The following SAP30L variants were observed in gnomAD, a reference collection of about 807,000 sequenced individuals.
SAP30L encodes SAP30 like.
SAP30L carries 10 observed loss-of-function variants against 22.3 expected under a neutral mutation model. The observed-to-expected ratio is 0.45, with a 90% CI of 0.28 to 0.76. The LOEUF (loss-of-function observed/expected upper bound fraction) is 0.76. Ranked by LOEUF, SAP30L falls within the 30% of genes least tolerant of loss-of-function variation. The pLI, the probability that SAP30L is intolerant of heterozygous loss-of-function variation, is 0.14. For synonymous variants in SAP30L, 91 were observed against 94.1 expected (o/e 0.97, Z 0.19); for missense variants, 206 against 237.9 (o/e 0.87, Z 0.88).
chr5:154,448,977 GA>G (rs548993558), intron 1 of SAP30L, among the ~76,000 whole-genome samples: 11 of 144,962 alleles, frequency 7.6e-5, no homozygotes, highest in Middle Eastern at 3.5e-3. Flanking sequence ...GAAAGTGAAG[GA>G]AAAAAAAAAA....
intron 3 of SAP30L, 141 bp from the exon 4 acceptor site, chr5:154,455,759 C>T (rs1757250121): frequency 9.2e-6 from 10 of 1,083,592 alleles, no homozygotes; most frequent in South Asian, 5.0e-5. Context: ...CTCTGAGTTC[C>T]GCACATGGCA....
At chr5:154,454,057 A>G (rs1757212097) in intron 3 of SAP30L, among the ~76,000 whole-genome samples, 1 of 152,222 alleles carries the variant, frequency 6.6e-6, no homozygotes, top group African/African-American at 2.4e-5. Flanking sequence ...GGCTCAAGCC[A>G]TCCTTCCACC....
intron 2 of SAP30L, chr5:154,452,465 C>T (rs1425396043): frequency 1.0e-6 from 1 of 985,106 alleles, no homozygotes; most frequent in African/African-American, 1.7e-5. Context: ...GTGCTCTCCA[C>T]CTGCCTGAAG....
intron 2 of SAP30L, among the ~76,000 whole-genome samples, chr5:154,451,702 C>G (rs935337290): frequency 1.3e-5 from 2 of 152,188 alleles, no homozygotes; most frequent in Non-Finnish European, 2.9e-5. Context: ...TCCCAAGGAT[C>G]CATTTCAAAG....
Position 154,457,135 on chromosome 5 carries a change from C to CTT in SAP30L, c.*1108_*1109dup, listed in dbSNP as rs1333256700. ...ATTTTTGTGAACAATTTGCCTCCCTCTTAGGGAGAAAGATTGCTAAAATAA... is the reference window on the plus strand; with the variant it reads ...ATTTTTGTGAACAATTTGCCTCCCTCTTTTAGGGAGAAAGATTGCTAAAATAA... On this transcript the variant is annotated 3_prime_UTR_variant, in exon 4 of 4. Transcript: ENST00000297109. 1 of 152,142 alleles carries CTT rather than the reference C, an allele frequency of 6.6e-6. No homozygotes were observed. The highest frequency in any genetic ancestry group is 2.4e-5 in the African/African-American group (1 of 41,422). 9.4% of individuals were successfully genotyped at this position (152,142 alleles called of 1,614,324 possible). A position where few individuals can be genotyped will look rare whatever the true frequency, so the allele number is the denominator to read the frequency against.
Position 154,455,611 on chromosome 5 carries a change from CTG to C in SAP30L, c.424-286_424-285del, listed in dbSNP as rs565792406. On this transcript the variant is annotated intron_variant, in intron 3 of 3. Transcript: ENST00000297109. ...CCCAGTCTCTCCTCCATGAGTATGA[CTG>C]TGAAATCATGCCATGACAGGTGGTT... 5.0e-3 allele frequency among the ~76,000 whole-genome samples: 766 copies of C among 152,306 alleles called. 5 individuals are homozygous for C. Among genetic ancestry groups the C allele is most frequent in the African/African-American group, 0.018 (733 of 41,558 alleles).
chr5:154,453,449 A>G lies in SAP30L; in HGVS notation c.372A>G (p.Arg124=), dbSNP rs1319154639. ...TGAACACCCTACGACGTTATAAACG[A>G]CACTACAAGTTGCAGACCAGACCAG... is the stretch of plus-strand genomic sequence containing the variant. ...LQVNTLRRYK[R]HYKLQTRPGF... The change falls in exon 3 of 4, where the codon CGA becomes CGG. Residue 124 remains arginine, a synonymous_variant. Coordinates refer to ENST00000297109, the MANE Select transcript of SAP30L (RefSeq NM_024632.6). 6.2e-7 allele frequency: 1 copy of G among 1,614,132 alleles called. No individual in the cohort carries two copies. The highest frequency in any genetic ancestry group is 1.1e-5 in the South Asian group (1 of 91,082).
In SAP30L at chr5:154,446,317, T is replaced by A. The variant is rs1757000233; in HGVS notation, c.-288T>A. 3.0e-6 allele frequency: 1 copy of A among 335,990 alleles called. No homozygotes were observed. The highest frequency in any genetic ancestry group is 5.4e-6 in the Non-Finnish European group (1 of 186,162). The allele number at this position is 335,990 out of a possible 1,614,324, so 20.8% of individuals were successfully genotyped here. ...GACACCCCCGCTGCAGGGTTACGGTTCTGGGCCCCCGGCAGAAGGCTCCTC... is the reference window on the plus strand; with the variant it reads ...GACACCCCCGCTGCAGGGTTACGGTACTGGGCCCCCGGCAGAAGGCTCCTC... On this transcript the variant is annotated 5_prime_UTR_variant, in exon 1 of 4. Coordinates refer to ENST00000297109, the MANE Select transcript of SAP30L (RefSeq NM_024632.6).
In SAP30L at chr5:154,460,120, A is replaced by G. The variant is rs1757343486; in HGVS notation, c.*4092A>G. 1 of 152,154 alleles carries G rather than the reference A, an allele frequency of 6.6e-6. No individual in the cohort carries two copies. 9.4% of individuals were successfully genotyped at this position (152,154 alleles called of 1,614,324 possible). ...AATCGGCTGCCCTCAGATTCTTGAG[A>G]ACTTAAAATTGAGCAGAAATTCCCA... On this transcript the variant is annotated 3_prime_UTR_variant, in exon 4 of 4. Transcript: ENST00000297109.
chr5:154,448,472 G>GA (rs747042902), intron 1 of SAP30L, among the ~76,000 whole-genome samples: 40 of 152,212 alleles, frequency 2.6e-4, no homozygotes, highest in Non-Finnish European at 5.0e-4. Context: ...ACACCAAGGT[G>GA]ATCCCTCCTT....
rs1227019965 is a variant in SAP30L at position 154,446,537 on chromosome 5, C to G, written c.-68C>G. On this transcript the variant is annotated 5_prime_UTR_variant, in exon 1 of 4. Transcript: ENST00000297109. Reference sequence around the variant, plus strand: ...GCGGGGGTCTCAGCGACCTGCCCCGCGGCAAGCGCGGCCGCGGAGTGGCCT... The same window carrying G: ...GCGGGGGTCTCAGCGACCTGCCCCGGGGCAAGCGCGGCCGCGGAGTGGCCT... 2 of 1,297,842 alleles carry G rather than the reference C, an allele frequency of 1.5e-6. No homozygotes were observed. Among genetic ancestry groups the G allele is most frequent in the Non-Finnish European group, 2.0e-6 (2 of 997,808 alleles). 80.4% of individuals were successfully genotyped at this position (1,297,842 alleles called of 1,614,324 possible). A position where few individuals can be genotyped will look rare whatever the true frequency, so the allele number is the denominator to read the frequency against.
intron 1 of SAP30L, among the ~76,000 whole-genome samples, chr5:154,448,427 T>C (rs1195162452): frequency 6.6e-6 from 1 of 152,208 alleles, no homozygotes; most frequent in Non-Finnish European, 1.5e-5. Flanking sequence ...AATGAATGCA[T>C]GAATGGAAAT....
chr5:154,450,460 C>G lies in SAP30L; in HGVS notation c.202-631C>G, dbSNP rs139601577. Among the ~76,000 whole-genome samples the G allele has an allele frequency of 9.5e-4, 145 of 152,306 alleles. 2 individuals are homozygous for G. The East Asian group carries it at 0.028, about 29-fold the overall frequency. ...GTCCCAAATACCGTTGCAACAGTCCCTTGTGTCCTGCTTTCCTCCTCCCCA... is the reference window on the plus strand; with the variant it reads ...GTCCCAAATACCGTTGCAACAGTCCGTTGTGTCCTGCTTTCCTCCTCCCCA... On this transcript the variant is annotated intron_variant, in intron 1 of 3. Transcript: ENST00000297109.
intron 2 of SAP30L, 21 bp downstream of exon 2, chr5:154,451,234 T>C: frequency 6.2e-7 from 1 of 1,608,564 alleles, no homozygotes. Flanking sequence ...AAGAAACCAG[T>C]TGCGGAAGCT....
chr5:154,449,952 GAATA>G (rs1283803994), intron 1 of SAP30L, among the ~76,000 whole-genome samples: 7 of 152,134 alleles, frequency 4.6e-5, no homozygotes, highest in Non-Finnish European at 5.9e-5. Flanking sequence ...TCATTCATCT[GAATA>G]AATAAATAAA....
chr5:154,452,622 C>A, intron 2 of SAP30L: 1 of 281,982 alleles, frequency 3.5e-6, no homozygotes, highest in Non-Finnish European at 5.4e-6. Flanking sequence ...TCTGCAAAGA[C>A]CCCAGCCCTA....
intron 2 of SAP30L, 42 bp from the exon 3 acceptor site, chr5:154,453,360 G>T (rs17116163): frequency 0.074 from 104,652 of 1,419,848 alleles, 9,355 homozygotes; most frequent in African/African-American, 0.44. Context: ...TGAGTCCTGG[G>T]TGGTCAGGTG....
At chr5:154,455,248 G>A (rs931713133) in intron 3 of SAP30L, among the ~76,000 whole-genome samples, 2 of 152,058 alleles carry the variant, frequency 1.3e-5, no homozygotes, top group African/African-American at 4.8e-5. Flanking sequence ...TTTGAGACAA[G>A]GTCTTGCTCT....
intron 2 of SAP30L, among the ~76,000 whole-genome samples, chr5:154,451,951 A>C (rs1757150505): frequency 6.6e-6 from 1 of 152,174 alleles, no homozygotes; most frequent in African/African-American, 2.4e-5. Context: ...CCACTGCGCT[A>C]GACCATGAGA....
Sources: gnomAD v4.1 joint callset for allele counts (sites outside exome capture counted in the v4.1 genomes callset) on GRCh38, gnomAD v4.1.1 for gene constraint, MANE v1.5 for transcripts, NCBI Gene and HGNC (gene_info 2026-07-23, HGNC 2026-07-21) for gene names.